ATP13A4: variants seen among roughly 807,000 people sequenced by gnomAD.
ATP13A4 encodes the protein ATPase 13A4.
Under a neutral mutation model 142.5 loss-of-function variants are expected in ATP13A4, and 114 were observed. That is an observed-to-expected ratio of 0.80 (90% CI 0.69 to 0.93). The LOEUF is 0.93. ATP13A4 is among the 40% of genes least tolerant of loss of function. The pLI, the probability that ATP13A4 is intolerant of heterozygous loss-of-function variation, is 0.00. For synonymous variants in ATP13A4, 488 were observed against 514.8 expected (o/e 0.95, Z 0.70); for missense variants, 1,392 against 1,454.0 (o/e 0.96, Z 0.69).
chr3:193,568,756 A>C (rs1560285591), intron 2 of ATP13A4, among the ~76,000 whole-genome samples: 1 of 152,192 alleles, frequency 6.6e-6, no homozygotes, highest in Non-Finnish European at 1.5e-5. Flanking sequence ...AAAGTGCTTA[A>C]AAAAATTAAT....
At chr3:193,513,731 G>C (rs1721256947) in intron 2 of ATP13A4, among the ~76,000 whole-genome samples, 1 of 152,174 alleles carries the variant, frequency 6.6e-6, no homozygotes, top group East Asian at 1.9e-4. Context: ...AGAGGCAATG[G>C]CCTCAAGGGC....
intron 18 of ATP13A4, among the ~76,000 whole-genome samples, chr3:193,445,968 CA>C (rs11310029): frequency 0.98 from 143,407 of 145,694 alleles, 70,569 homozygotes; most frequent in East Asian, 1. Flanking sequence ...AAACTGGGTG[CA>C]AAAAAAAAAA....
At chr3:193,422,490 AC>A (rs1352826464) in intron 25 of ATP13A4, among the ~76,000 whole-genome samples, 1 of 149,846 alleles carries the variant, frequency 6.7e-6, no homozygotes, top group African/African-American at 2.4e-5. Flanking sequence ...CAAAACAAGT[AC>A]TAAAACATTT....
At chr3:193,429,877 A>G (rs1715875287) in intron 25 of ATP13A4, among the ~76,000 whole-genome samples, 5 of 152,204 alleles carry the variant, frequency 3.3e-5, no homozygotes. Flanking sequence ...AAAAGACTGG[A>G]CAGAAATACA....
intron 1 of ATP13A4, among the ~76,000 whole-genome samples, chr3:193,585,710 T>C (rs1724654867): frequency 6.6e-6 from 1 of 152,144 alleles, no homozygotes; most frequent in Non-Finnish European, 1.5e-5. Flanking sequence ...GAGTATTTCA[T>C]TGTGTAAATT....
chr3:193,533,895 A>G (rs1483301472), intron 1 of ATP13A4, among the ~76,000 whole-genome samples: 1 of 152,214 alleles, frequency 6.6e-6, no homozygotes, highest in Non-Finnish European at 1.5e-5. Flanking sequence ...GACCATGTGG[A>G]GTCTGGGCCT....
At chr3:193,577,952 G>A (rs1411816804) in intron 2 of ATP13A4, among the ~76,000 whole-genome samples, 4 of 152,164 alleles carry the variant, frequency 2.6e-5, no homozygotes, top group Non-Finnish European at 5.9e-5. Context: ...ATGTTTTAAT[G>A]GAGTAAATTC....
chr3:193,566,642 G>A (rs993460362), intron 2 of ATP13A4, among the ~76,000 whole-genome samples: 15 of 152,126 alleles, frequency 9.9e-5, no homozygotes, highest in African/African-American at 3.6e-4. Context: ...TAGATCCAGT[G>A]GTAACAGTTG....
intron 2 of ATP13A4, among the ~76,000 whole-genome samples, chr3:193,508,550 T>C (rs192819305): frequency 8.5e-5 from 13 of 152,334 alleles, no homozygotes; most frequent in African/African-American, 3.1e-4. Context: ...TATATGTAAA[T>C]TGTTAAATCG....
intron 1 of ATP13A4, among the ~76,000 whole-genome samples, chr3:193,543,308 T>G (rs138677087): frequency 0.028 from 4,240 of 152,246 alleles, 61 homozygotes; most frequent in East Asian, 0.033. Context: ...GCTAAAGAGC[T>G]TCTGCACAAC....
At chr3:193,521,085 A>C (rs182454337) in intron 1 of ATP13A4, among the ~76,000 whole-genome samples, 49 of 152,276 alleles carry the variant, frequency 3.2e-4, no homozygotes, top group Admixed American at 2.6e-3. Context: ...CCTCCAGCAT[A>C]AAGTCTTTAA....
chr3:193,423,974 T>C (rs1715526184), intron 25 of ATP13A4, among the ~76,000 whole-genome samples: 1 of 149,564 alleles, frequency 6.7e-6, no homozygotes, highest in South Asian at 2.1e-4. Flanking sequence ...ATAAATTCAG[T>C]AAATCTTTAG....
At chr3:193,426,308 A>C (rs1715663592) in intron 25 of ATP13A4, among the ~76,000 whole-genome samples, 1 of 151,850 alleles carries the variant, frequency 6.6e-6, no homozygotes, top group Admixed American at 6.6e-5. Context: ...AGAAAGAGAA[A>C]GGCTTCCACA....
At chr3:193,564,444 A>G (rs1181280184) in intron 2 of ATP13A4, among the ~76,000 whole-genome samples, 1 of 152,246 alleles carries the variant, frequency 6.6e-6, no homozygotes, top group African/African-American at 2.4e-5. Flanking sequence ...ATCATCAAGT[A>G]TCTGACTGTT....
At chr3:193,591,236 T>C (rs750877940) in intron 1 of ATP13A4, among the ~76,000 whole-genome samples, 5 of 152,184 alleles carry the variant, frequency 3.3e-5, no homozygotes, top group Non-Finnish European at 5.9e-5. Flanking sequence ...GGTTTCACCA[T>C]ATTGGCCAGG....
intron 25 of ATP13A4, among the ~76,000 whole-genome samples, chr3:193,421,324 T>C (rs1715391311): frequency 6.7e-6 from 1 of 149,388 alleles, no homozygotes; most frequent in Non-Finnish European, 1.5e-5. Flanking sequence ...AGTAAAGCTG[T>C]CCTTCAGAAG....
chr3:193,454,046 C>T, intron 17 of ATP13A4, 55 bp downstream of exon 17: 1 of 1,464,888 alleles, frequency 6.8e-7, no homozygotes, highest in South Asian at 1.1e-5. Context: ...GACATTCCAA[C>T]CTGGTACATC....
At chr3:193,525,005 A>C (rs1044949066) in intron 1 of ATP13A4, among the ~76,000 whole-genome samples, 4 of 152,120 alleles carry the variant, frequency 2.6e-5, no homozygotes, top group African/African-American at 9.7e-5. Context: ...ATGTTTTTGC[A>C]ATCTGTTAGA....
At chr3:193,494,842 C>A (rs1379686558) in intron 3 of ATP13A4, among the ~76,000 whole-genome samples, 2 of 150,662 alleles carry the variant, frequency 1.3e-5, no homozygotes, top group Non-Finnish European at 3.0e-5. Context: ...AAAAGATAGA[C>A]AAAATTAACA....
Sources: gnomAD v4.1 joint callset for allele counts (sites outside exome capture counted in the v4.1 genomes callset) on GRCh38, gnomAD v4.1.1 for gene constraint, MANE v1.5 for transcripts, NCBI Gene and HGNC (gene_info 2026-07-23, HGNC 2026-07-21) for gene names.